JPH2: variants seen among roughly 807,000 people sequenced by gnomAD.
JPH2 encodes junctophilin 2.
In JPH2, 38 loss-of-function variants were observed where a neutral mutation model predicts 55.9. The ratio of observed to expected loss-of-function variants is 0.68; its 90% CI spans 0.52 to 0.89. The LOEUF (loss-of-function observed/expected upper bound fraction) is 0.89, where lower values mean the gene tolerates loss of function less well. Ranked by LOEUF, JPH2 falls within the 40% of genes least tolerant of loss-of-function variation. JPH2 has a pLI of 0.00. For missense variants in JPH2, 964 were observed against 1,037.6 expected, an observed-to-expected ratio of 0.93 and a Z score of 0.97; for synonymous variants, 480 against 472.4, an observed-to-expected ratio of 1.02 and a Z score of -0.21.
chr20:44,159,383 G>T lies in JPH2; in HGVS notation c.1169+235C>A, dbSNP rs191587572. The stretch of plus-strand genomic sequence containing the variant: ...GGCTGTTCAGGTGGATATTAGAAAG[G>T]TTGGGTGAGTGGTAGGGTTAAGTCA... On this transcript the variant is annotated intron_variant, in intron 2 of 5. Coordinates refer to ENST00000372980, the MANE Select transcript of JPH2 (RefSeq NM_020433.5). This position sits in a 1 kb window ranked among gnomAD's most constrained non-coding sequence, Gnocchi z 5.7. Among the ~76,000 whole-genome samples the T allele has an allele frequency of 2.6e-5, 4 of 152,236 alleles. No homozygotes were observed. Among genetic ancestry groups the T allele is most frequent in the African/African-American group, 9.6e-5 (4 of 41,526 alleles).
At position 44,160,441 on chromosome 20, in the gene JPH2, C is replaced by G; in HGVS notation, c.380-34G>C. ...GAGGAGAGGGCGCGTCAGTAGGCGG[C>G]ACGACGGGTCCCCGCGTGTGCACGG... On this transcript the variant is annotated intron_variant, in intron 1 of 5. Transcript: ENST00000372980. The surrounding 1 kb of genome is among the most constrained non-coding windows in gnomAD (Gnocchi z 4.9). The G allele has an allele frequency of 1.9e-6, 3 of 1,598,726 alleles. No homozygotes were observed. The highest frequency in any genetic ancestry group is 2.6e-6 in the Non-Finnish European group (3 of 1,174,082).
chr20:44,170,488 G>A (rs1359866979), intron 1 of JPH2, among the ~76,000 whole-genome samples: 3 of 152,228 alleles, frequency 2.0e-5, no homozygotes, highest in Admixed American at 2.0e-4. Flanking sequence ...CAGATACAGA[G>A]TGAGCATCAG....
chr20:44,144,119 T>C (rs2072477460), intron 2 of JPH2, among the ~76,000 whole-genome samples: 1 of 152,040 alleles, frequency 6.6e-6, no homozygotes, highest in Non-Finnish European at 1.5e-5. Context: ...AGTTGGGTGT[T>C]TACTTGAAGG....
At position 44,115,913 on chromosome 20, in the gene JPH2, C is replaced by A; in HGVS notation, c.1762G>T (p.Glu588Ter). The change falls in exon 4 of 6, where the codon GAG (glutamate) becomes TAG (stop). Residue 588 changes from glutamate (E) to a stop codon, truncating the protein, a stop_gained. Coordinates refer to ENST00000372980, the MANE Select transcript of JPH2 (RefSeq NM_020433.5). LOFTEE classifies it high-confidence loss of function. ...PPPFEDQPEP[E>*]VSGSESAPSS... Reference sequence around the variant, plus strand: ...GGCGCGGACTCGGACCCGGAGACCTCGGGCTCGGGCTGGTCCTCAAAGGGT... The same window carrying A: ...GGCGCGGACTCGGACCCGGAGACCTAGGGCTCGGGCTGGTCCTCAAAGGGT... The A allele has an allele frequency of 1.3e-6, 2 of 1,570,300 alleles. No homozygotes were observed. The highest frequency in any genetic ancestry group is 1.7e-6 in the Non-Finnish European group (2 of 1,164,476).
At chr20:44,138,531 A>G (rs1371563514) in intron 2 of JPH2, among the ~76,000 whole-genome samples, 2 of 151,772 alleles carry the variant, frequency 1.3e-5, no homozygotes, top group East Asian at 3.9e-4. Flanking sequence ...ACAGGTGAGC[A>G]CTGCCACACC....
At position 44,107,622 on chromosome 20, in the gene JPH2, G is replaced by A. The variant is rs75312026; in HGVS notation, c.*5896C>T. Among the ~76,000 whole-genome samples, 1 of 152,092 alleles carries A rather than the reference G, an allele frequency of 6.6e-6. No homozygotes were observed. The highest frequency in any genetic ancestry group is 2.4e-5 in the African/African-American group (1 of 41,400). On this transcript the variant is annotated 3_prime_UTR_variant, in exon 6 of 6. Coordinates refer to ENST00000372980, the MANE Select transcript of JPH2 (RefSeq NM_020433.5). ...TGGGTCCCTGAATCATTATGATGAG[G>A]GACAGCTATTCTATGACAAACTTAT...
chr20:44,143,239 C>A (rs151055173), intron 2 of JPH2, among the ~76,000 whole-genome samples: 57 of 152,216 alleles, frequency 3.7e-4, no homozygotes, highest in African/African-American at 1.3e-3. Context: ...CAGGAAGGGA[C>A]TTGGGGGCCA....
At chr20:44,183,458 C>G (rs17755054) in intron 1 of JPH2, among the ~76,000 whole-genome samples, 22,521 of 152,218 alleles carry the variant, frequency 0.15, 2,088 homozygotes, top group Non-Finnish European at 0.21. Context: ...CAAACACGGT[C>G]TCGAGGGCAG....
intron 2 of JPH2, among the ~76,000 whole-genome samples, chr20:44,135,986 A>G (rs997578902): frequency 1.5e-4 from 23 of 152,214 alleles, no homozygotes. Flanking sequence ...GCCTTATGAG[A>G]GAAATACTAT....
At chr20:44,135,379 C>G (rs188795748) in intron 2 of JPH2, among the ~76,000 whole-genome samples, 1 of 152,218 alleles carries the variant, frequency 6.6e-6, no homozygotes, top group East Asian at 1.9e-4. Context: ...TGTGCCCTGT[C>G]GATTGTTTCT....
At chr20:44,176,160 G>C (rs1263807861) in intron 1 of JPH2, among the ~76,000 whole-genome samples, 3 of 152,288 alleles carry the variant, frequency 2.0e-5, no homozygotes, top group East Asian at 1.9e-4. Flanking sequence ...CTACAAGGTA[G>C]TGGTGCAAAC....
Position 44,160,822 on chromosome 20 carries a change from G to A in JPH2, c.380-415C>T, listed in dbSNP as rs764789865. On this transcript the variant is annotated intron_variant, in intron 1 of 5. Coordinates refer to ENST00000372980, the MANE Select transcript of JPH2 (RefSeq NM_020433.5). This position sits in a 1 kb window ranked among gnomAD's most constrained non-coding sequence, Gnocchi z 4.9. Reference sequence around the variant, plus strand: ...CATGAGGTGGGGGCAGGTGGCTCACGCCTGTAATCCCAGCACTTGGGAAGG... The same window carrying A: ...CATGAGGTGGGGGCAGGTGGCTCACACCTGTAATCCCAGCACTTGGGAAGG... 3.3e-5 allele frequency among the ~76,000 whole-genome samples: 5 copies of A among 152,188 alleles called. No individual in the cohort carries two copies. The highest frequency in any genetic ancestry group is 6.5e-5 in the Admixed American group (1 of 15,286).
At chr20:44,125,049 A>G (rs1038671243) in intron 2 of JPH2, among the ~76,000 whole-genome samples, 89 of 151,696 alleles carry the variant, frequency 5.9e-4, no homozygotes, top group Non-Finnish European at 1.2e-3. Context: ...CAGAGGTTGC[A>G]GTGAGCCAAG....
chr20:44,170,818 A>G (rs1001099541), intron 1 of JPH2, among the ~76,000 whole-genome samples: 1 of 152,254 alleles, frequency 6.6e-6, no homozygotes, highest in Non-Finnish European at 1.5e-5. Flanking sequence ...ATAAGAAAGT[A>G]TCCTAACAGA....
chr20:44,116,895 G>A (rs745649090), intron 3 of JPH2, among the ~76,000 whole-genome samples: 9 of 152,326 alleles, frequency 5.9e-5, no homozygotes, highest in African/African-American at 2.2e-4. Flanking sequence ...ATAGGTTTTC[G>A]CTCCTAGGTT....
chr20:44,152,682 C>T (rs2072539695), intron 2 of JPH2, among the ~76,000 whole-genome samples: 1 of 152,208 alleles, frequency 6.6e-6, no homozygotes, highest in African/African-American at 2.4e-5. Context: ...AGGCCCTCTT[C>T]CCTCTGGTGA....
intron 2 of JPH2, among the ~76,000 whole-genome samples, chr20:44,144,020 G>A (rs1056293446): frequency 6.6e-6 from 1 of 152,166 alleles, no homozygotes; most frequent in Non-Finnish European, 1.5e-5. Context: ...CTTGGGTCAC[G>A]CCTGGCTTCG....
At position 44,186,396 on chromosome 20, in the gene JPH2, C is replaced by T. The variant is rs1485342055; in HGVS notation, c.310G>A (p.Ala104Thr). 6.2e-7 allele frequency: 1 copy of T among 1,613,724 alleles called. No individual in the cohort carries two copies. ...TTGTTCCAGGTGCCCTCATACTTGGCACCGCTGCTTGAGCTCTGCCGGATT... is the reference window on the plus strand; with the variant it reads ...TTGTTCCAGGTGCCCTCATACTTGGTACCGCTGCTTGAGCTCTGCCGGATT... ...YGIRQSSSSG[A>T]KYEGTWNNGL... Residue 104 changes from alanine (A) to threonine (T), a missense_variant, in exon 1 of 6, where the codon GCC becomes ACC. By Grantham distance (58) the Ala-to-Thr change is moderately conservative. Coordinates refer to ENST00000372980, the MANE Select transcript of JPH2 (RefSeq NM_020433.5).
intron 1 of JPH2, among the ~76,000 whole-genome samples, chr20:44,185,175 A>C (rs1385227733): frequency 6.6e-6 from 1 of 152,160 alleles, no homozygotes; most frequent in Admixed American, 6.5e-5. Context: ...GCTTGGTGGC[A>C]TGTGCCTTGT....
Sources: allele counts gnomAD v4.1 joint callset (sites outside exome capture counted in the v4.1 genomes callset), GRCh38; gene constraint gnomAD v4.1.1; non-coding constraint Gnocchi (gnomAD v3.1); transcripts MANE v1.5; gene names NCBI Gene and HGNC (gene_info 2026-07-23, HGNC 2026-07-21).